Variants in ANK2 observed in about 807,000 individuals in gnomAD.
The protein encoded by ANK2 is ankyrin-2.
In ANK2, 83 loss-of-function variants were observed where a neutral mutation model predicts 360.5. The observed-to-expected ratio is 0.23, with a 90% CI of 0.19 to 0.28. ANK2 has a LOEUF of 0.28. Ranked by LOEUF, ANK2 falls within the 10% of genes least tolerant of loss-of-function variation. ANK2 has a pLI of 1.00. For synonymous variants in ANK2, 1,740 were observed against 1,759.5 expected (o/e 0.99, Z 0.28); for missense variants, 4,201 against 4,795.7 (o/e 0.88, Z 3.66).
intron 2 of ANK2, among the ~76,000 whole-genome samples, chr4:112,910,957 CTTT>C (rs1163828806): frequency 1.1e-4 from 14 of 125,136 alleles, no homozygotes; most frequent in South Asian, 2.6e-4. Flanking sequence ...TATTATTTGC[CTTT>C]TTTTTTTTTT....
intron 13 of ANK2, among the ~76,000 whole-genome samples, chr4:113,258,615 A>G (rs2153635907): frequency 6.6e-6 from 1 of 152,336 alleles, no homozygotes; most frequent in East Asian, 1.9e-4. Flanking sequence ...GTTATAAAGT[A>G]AAATGGAAGC....
intron 2 of ANK2, among the ~76,000 whole-genome samples, chr4:113,035,145 A>C (rs542953585): frequency 5.9e-5 from 9 of 151,934 alleles, no homozygotes; most frequent in African/African-American, 2.2e-4. Flanking sequence ...CTCAGAATAA[A>C]ATGATATGTA....
chr4:113,033,398 AG>A (rs1194515694), intron 2 of ANK2, among the ~76,000 whole-genome samples: 3 of 152,034 alleles, frequency 2.0e-5, no homozygotes, highest in Non-Finnish European at 4.4e-5. Context: ...CAGACAAAAA[AG>A]CTCAAGGTCT....
At chr4:113,120,293 T>C (rs1322275399) in intron 1 of ANK2, among the ~76,000 whole-genome samples, 1 of 152,200 alleles carries the variant, frequency 6.6e-6, no homozygotes, top group African/African-American at 2.4e-5. Context: ...AATATCTCTA[T>C]TCTAATTATT....
intron 22 of ANK2, among the ~76,000 whole-genome samples, chr4:113,296,352 A>G (rs1158423215): frequency 6.6e-6 from 1 of 152,200 alleles, no homozygotes; most frequent in Non-Finnish European, 1.5e-5. Flanking sequence ...ATAGTTAAGT[A>G]AAATTAATAA....
chr4:112,890,539 T>C (rs2079648281), intron 1 of ANK2, among the ~76,000 whole-genome samples: 1 of 150,266 alleles, frequency 6.7e-6, no homozygotes, highest in African/African-American at 2.4e-5. Flanking sequence ...CAGGAATTTA[T>C]GATATACATT....
rs150999353 is a variant in ANK2, at chr4:112,925,989, C to A, written c.21+21475C>A. On this transcript the variant is annotated intron_variant, in intron 2 of 30. Coordinates refer to the ANK2 transcript ENST00000503271. ...AATTTCAGAAATAACTTGCTTGAAT[C>A]TTTTATTTTTTAGCCAACAGTGTGT... 2.2e-3 allele frequency among the ~76,000 whole-genome samples: 336 copies of A among 152,278 alleles called. 1 individual carries two copies. Among genetic ancestry groups the A allele is most frequent in the Non-Finnish European group, 3.7e-3 (252 of 68,006 alleles).
intron 1 of ANK2, chr4:113,145,891 C>G: frequency 7.8e-7 from 1 of 1,289,750 alleles, no homozygotes; most frequent in Non-Finnish European, 1.0e-6. Flanking sequence ...GCCCTCTGCT[C>G]TTCTTGCCAT....
At chr4:112,706,850 G>T in the ANK2 span, 6 of 152,332 alleles carry the variant, frequency 3.9e-5, no homozygotes, top group East Asian at 7.7e-4. Context: ...ACTGCAAGGA[G>T]GAATGCACGT....
At chr4:113,379,789 T>G (rs2097104324) in intron 45 of ANK2, among the ~76,000 whole-genome samples, 1 of 152,032 alleles carries the variant, frequency 6.6e-6, no homozygotes, top group Non-Finnish European at 1.5e-5. Flanking sequence ...AACAAGGATG[T>G]CCAAAAAAAA....
At chr4:113,176,930 T>C (rs939354053) in intron 2 of ANK2, among the ~76,000 whole-genome samples, 1 of 152,136 alleles carries the variant, frequency 6.6e-6, no homozygotes, top group Non-Finnish European at 1.5e-5. Context: ...GGTTTCCAGC[T>C]TCATCCGTGT....
the ANK2 span, among the ~76,000 whole-genome samples, chr4:112,740,471 G>A: frequency 2.0e-5 from 3 of 152,036 alleles, no homozygotes; most frequent in East Asian, 1.9e-4. Context: ...TTGGGAGGCC[G>A]AGGTGGGTGA....
At chr4:113,118,251 G>T (rs2095030945) in intron 1 of ANK2, among the ~76,000 whole-genome samples, 1 of 152,114 alleles carries the variant, frequency 6.6e-6, no homozygotes, top group African/African-American at 2.4e-5. Context: ...AACAAAGTAG[G>T]TCACTGAATA....
rs150548553 is a variant in ANK2 at position 113,360,869 on chromosome 4, T to C, written c.10728T>C (p.Ile3576=). 9 of 1,612,886 alleles carry C rather than the reference T, an allele frequency of 5.6e-6. No individual in the cohort carries two copies. The highest frequency in any genetic ancestry group is 7.6e-6 in the Non-Finnish European group (9 of 1,179,342). The change falls in exon 39 of 46, where the codon ATT becomes ATC. Residue 3576 remains isoleucine (I), a synonymous_variant. Transcript: ENST00000357077. The stretch of plus-strand genomic sequence containing the variant: ...GGATCGAGGAAAGGCTGGCTTATAT[T>C]GCTGATCACCTTGGCTTCAGCTGGA... ...QERIEERLAY[I]ADHLGFSWTE... is the part of the protein sequence containing the mutation.
chr4:112,733,081 G>T, the ANK2 span, among the ~76,000 whole-genome samples: 1 of 152,152 alleles, frequency 6.6e-6, no homozygotes, highest in Non-Finnish European at 1.5e-5. Flanking sequence ...GCCAGGTGTG[G>T]TGGCGGGCAC....
intron 1 of ANK2, among the ~76,000 whole-genome samples, chr4:112,818,970 G>T (rs1218826816): frequency 6.6e-6 from 1 of 152,128 alleles, no homozygotes; most frequent in Non-Finnish European, 1.5e-5. Flanking sequence ...ACAGATTTCT[G>T]AGCAGTGTTT....
At chr4:113,120,325 T>C (rs2095265743) in intron 1 of ANK2, among the ~76,000 whole-genome samples, 1 of 152,162 alleles carries the variant, frequency 6.6e-6, no homozygotes, top group African/African-American at 2.4e-5. Flanking sequence ...GCAAGTAATT[T>C]CTTTGTATGT....
chr4:113,170,578 G>C (rs541515947), intron 1 of ANK2, among the ~76,000 whole-genome samples: 1 of 152,222 alleles, frequency 6.6e-6, no homozygotes, highest in Non-Finnish European at 1.5e-5. Flanking sequence ...TTATTGAAAC[G>C]TAAGCACAGA....
intron 1 of ANK2, among the ~76,000 whole-genome samples, chr4:113,066,281 TGTAA>T (rs751180785): frequency 2.6e-5 from 4 of 152,224 alleles, no homozygotes; most frequent in Non-Finnish European, 4.4e-5. Context: ...GGACTCATTC[TGTAA>T]GTGTTTGAAG....
Sources: gnomAD v4.1 joint callset for allele counts (sites outside exome capture counted in the v4.1 genomes callset) on GRCh38, gnomAD v4.1.1 for gene constraint, MANE v1.5 for transcripts, NCBI Gene and HGNC (gene_info 2026-07-23, HGNC 2026-07-21) for gene names.